Variants in DNAAF11 observed in about 807,000 individuals in gnomAD.
DNAAF11 encodes the protein leucine rich repeat containing 6.
DNAAF11 carries 45 observed loss-of-function variants against 60.8 expected under a neutral mutation model. The ratio of observed to expected loss-of-function variants is 0.74; its 90% CI spans 0.58 to 0.95. The LOEUF is 0.95. Ranked by LOEUF, DNAAF11 falls within the 40% of genes least tolerant of loss-of-function variation. The pLI is 0.00. For synonymous variants in DNAAF11, 191 were observed against 183.5 expected, an observed-to-expected ratio of 1.04 and a Z score of -0.33; for missense variants, 546 against 546.2, an observed-to-expected ratio of 1.00 and a Z score of 0.00.
At chr8:132,682,018 G>A in the DNAAF11 span, among the ~76,000 whole-genome samples, 2 of 152,190 alleles carry the variant, frequency 1.3e-5, no homozygotes, top group Non-Finnish European at 2.9e-5. Context: ...TTTGCCCATA[G>A]TAAGTGCTTG....
chr8:132,608,818 G>C (rs1381681324), intron 10 of DNAAF11, among the ~76,000 whole-genome samples: 3 of 152,106 alleles, frequency 2.0e-5, no homozygotes, highest in Non-Finnish European at 2.9e-5. Context: ...TTACAGCTGT[G>C]TTTGTTATTT....
chr8:132,659,829 G>T (rs763124061), intron 2 of DNAAF11, among the ~76,000 whole-genome samples: 2 of 152,044 alleles, frequency 1.3e-5, no homozygotes, highest in African/African-American at 4.8e-5. Context: ...TTTCTTGCGG[G>T]GGGTGGGGGA....
chr8:132,603,346 C>T (rs1817820790), intron 10 of DNAAF11, among the ~76,000 whole-genome samples: 1 of 152,080 alleles, frequency 6.6e-6, no homozygotes, highest in South Asian at 2.1e-4. Flanking sequence ...CACCAACTTG[C>T]AGAAGCCTAG....
chr8:132,572,962 T>TGTA (rs1814366274), intron 11 of DNAAF11, among the ~76,000 whole-genome samples: 1 of 152,112 alleles, frequency 6.6e-6, no homozygotes, highest in South Asian at 2.1e-4. Flanking sequence ...CATAGTAAAG[T>TGTA]GTAGCCCCAC....
intron 8 of DNAAF11, 30 bp downstream of exon 8, chr8:132,615,008 C>A: frequency 2.1e-6 from 3 of 1,437,390 alleles, no homozygotes; most frequent in South Asian, 1.2e-5. Flanking sequence ...ACAGAAATGT[C>A]ATAAATAAAT....
chr8:132,632,037 A>G (rs1820855927), intron 5 of DNAAF11, among the ~76,000 whole-genome samples: 1 of 152,128 alleles, frequency 6.6e-6, no homozygotes, highest in African/African-American at 2.4e-5. Flanking sequence ...TAAAAAAAAA[A>G]AAGATCCAAA....
intron 7 of DNAAF11, among the ~76,000 whole-genome samples, chr8:132,622,303 C>A (rs1819839888): frequency 6.6e-6 from 1 of 152,130 alleles, no homozygotes; most frequent in Non-Finnish European, 1.5e-5. Context: ...ATAAATACAA[C>A]AATAATGTGA....
chr8:132,693,448 A>AGTGT, the DNAAF11 span, among the ~76,000 whole-genome samples: 4,206 of 148,532 alleles, frequency 0.028, 214 homozygotes, highest in African/African-American at 0.098. Context: ...AATGTATGTG[A>AGTGT]GTGTGTGTGT....
the DNAAF11 span, among the ~76,000 whole-genome samples, chr8:132,699,029 T>C: frequency 6.6e-6 from 1 of 150,448 alleles, no homozygotes; most frequent in African/African-American, 2.5e-5. Context: ...TTTGGGAAGC[T>C]GAGGCAGAAG....
intron 4 of DNAAF11, among the ~76,000 whole-genome samples, chr8:132,635,628 A>T (rs1821220101): frequency 6.6e-6 from 1 of 152,176 alleles, no homozygotes; most frequent in African/African-American, 2.4e-5. Flanking sequence ...TTGACAAAAA[A>T]AGATGTTGAA....
At chr8:132,663,748 G>A (rs1325197451) in intron 1 of DNAAF11, among the ~76,000 whole-genome samples, 3 of 152,186 alleles carry the variant, frequency 2.0e-5, no homozygotes, top group Admixed American at 6.5e-5. Flanking sequence ...GGGATTCTCT[G>A]TTCAAGGGGC....
At chr8:132,653,588 A>G (rs1483967182) in intron 3 of DNAAF11, among the ~76,000 whole-genome samples, 1 of 152,154 alleles carries the variant, frequency 6.6e-6, no homozygotes, top group Admixed American at 6.5e-5. Context: ...GCAAATAGGC[A>G]CATATTATAT....
intron 3 of DNAAF11, among the ~76,000 whole-genome samples, chr8:132,640,759 T>C (rs1263081585): frequency 6.6e-6 from 1 of 151,630 alleles, no homozygotes; most frequent in Non-Finnish European, 1.5e-5. Flanking sequence ...ACATTAATAA[T>C]CTCCTTATAA....
chr8:132,629,398 A>G (rs1351593215), intron 5 of DNAAF11, among the ~76,000 whole-genome samples: 4 of 146,642 alleles, frequency 2.7e-5, no homozygotes. Context: ...CCCAGGCTGG[A>G]GTGCAGTGGC....
chr8:132,695,497 T>C, the DNAAF11 span, among the ~76,000 whole-genome samples: 2 of 152,236 alleles, frequency 1.3e-5, no homozygotes. Flanking sequence ...GTGGGATATA[T>C]GAGGTGGCAA....
chr8:132,599,097 C>G (rs1483034548), intron 10 of DNAAF11, among the ~76,000 whole-genome samples: 1 of 151,866 alleles, frequency 6.6e-6, no homozygotes, highest in East Asian at 1.9e-4. Context: ...GGGATATCAC[C>G]ACCGATCCCA....
chr8:132,701,138 G>C, the DNAAF11 span, among the ~76,000 whole-genome samples: 2 of 152,120 alleles, frequency 1.3e-5, no homozygotes, highest in Non-Finnish European at 2.9e-5. Context: ...TTTTTTAAGG[G>C]TCCCACCTCT....
chr8:132,626,153 G>A (rs941370076), intron 5 of DNAAF11, among the ~76,000 whole-genome samples: 4 of 151,872 alleles, frequency 2.6e-5, no homozygotes, highest in African/African-American at 4.8e-5. Flanking sequence ...TCGGGTTCAC[G>A]CCATTCTCCT....
At chr8:132,665,104 T>G (rs1258620500) in intron 1 of DNAAF11, among the ~76,000 whole-genome samples, 1 of 152,016 alleles carries the variant, frequency 6.6e-6, no homozygotes, top group Non-Finnish European at 1.5e-5. Context: ...ATGTGGAAAT[T>G]TCCCAGCAGA....
Sources: gnomAD v4.1 joint callset for allele counts (sites outside exome capture counted in the v4.1 genomes callset) on GRCh38, gnomAD v4.1.1 for gene constraint, MANE v1.5 for transcripts, NCBI Gene and HGNC (gene_info 2026-07-23, HGNC 2026-07-21) for gene names.